Variants in WDFY2 observed in about 807,000 individuals in gnomAD.
The protein encoded by WDFY2 is WD repeat and FYVE domain-containing protein 2.
Under a neutral mutation model 56.4 loss-of-function variants are expected in WDFY2, and 36 were observed. That is an observed-to-expected ratio of 0.64 (90% CI 0.49 to 0.84). The LOEUF is 0.84. WDFY2 is among the 40% of genes least tolerant of loss of function. The probability of loss-of-function intolerance (pLI) is 0.00; values close to 1 mark genes in which losing one functional copy is unlikely to be tolerated. For missense variants in WDFY2, 444 were observed against 512.2 expected, an observed-to-expected ratio of 0.87 and a Z score of 1.29; for synonymous variants, 176 against 183.7, an observed-to-expected ratio of 0.96 and a Z score of 0.34.
chr13:51,594,479 A>C (rs1472804140), intron 1 of WDFY2, among the ~76,000 whole-genome samples: 1 of 152,158 alleles, frequency 6.6e-6, no homozygotes, highest in Non-Finnish European at 1.5e-5. Flanking sequence ...TTGTGAAACG[A>C]CTTTTATCAC....
Position 51,727,454 on chromosome 13 carries a change from A to G in WDFY2, c.486-224A>G, listed in dbSNP as rs2138654129. Among the ~76,000 whole-genome samples, 2 of 152,246 alleles carry G rather than the reference A, an allele frequency of 1.3e-5. 1 individual carries two copies. The highest frequency in any genetic ancestry group is 4.1e-4 in the South Asian group (2 of 4,824). On this transcript the variant is annotated intron_variant, in intron 5 of 11. Transcript: ENST00000298125. ...TTTTTTAAATATATAGATTTATTTT[A>G]TTAATTTAGGAGCAAGAAGTGACAT...
intron 2 of WDFY2, among the ~76,000 whole-genome samples, chr13:51,671,893 C>T (rs538016033): frequency 4.7e-5 from 7 of 148,992 alleles, no homozygotes; most frequent in East Asian, 2.0e-4. Flanking sequence ...AAGCGATTCT[C>T]GTGCCTCAGC....
chr13:51,750,841 C>T (rs778881513), intron 7 of WDFY2, among the ~76,000 whole-genome samples: 20 of 152,182 alleles, frequency 1.3e-4, no homozygotes, highest in Non-Finnish European at 2.8e-4. Context: ...TTGTGAGGTG[C>T]ACACCTCAGG....
intron 1 of WDFY2, among the ~76,000 whole-genome samples, chr13:51,635,294 G>A (rs1434212688): frequency 6.6e-6 from 1 of 152,084 alleles, no homozygotes; most frequent in Non-Finnish European, 1.5e-5. Context: ...AAATTATGAC[G>A]TGATCATCAT....
In WDFY2 at chr13:51,606,846, A is replaced by G. The variant is rs567276059; in HGVS notation, c.137+22022A>G. Among the ~76,000 whole-genome samples, 14 of 152,254 alleles carry G rather than the reference A, an allele frequency of 9.2e-5. No individual in the cohort carries two copies. In the South Asian group the frequency reaches 2.3e-3, roughly 25 times the overall value. ...CTGCCTATCTAAATAACAAAATAAT[A>G]ATTTTTCACCATGTAATTCTAGAGG... On this transcript the variant is annotated intron_variant, in intron 1 of 11. Transcript: ENST00000298125.
In WDFY2 at chr13:51,766,733, A is replaced by G. The variant is rs760070710; in HGVS notation, c.*6964A>G. 1.3e-5 allele frequency: 2 copies of G among 152,252 alleles called. No homozygotes were observed. Among genetic ancestry groups the G allele is most frequent in the Non-Finnish European group, 2.9e-5 (2 of 68,052 alleles). 9.4% of individuals were successfully genotyped at this position (152,252 alleles called of 1,614,324 possible). A position where few individuals can be genotyped will look rare whatever the true frequency, so the allele number is the denominator to read the frequency against. On this transcript the variant is annotated 3_prime_UTR_variant, in exon 12 of 12. Coordinates refer to ENST00000298125, the MANE Select transcript of WDFY2 (RefSeq NM_052950.4). ...CAAAATATACGTGTAGCCATTACCAATGTACAACTCTCAATGCGGAGTTGC... is the reference window on the plus strand; with the variant it reads ...CAAAATATACGTGTAGCCATTACCAGTGTACAACTCTCAATGCGGAGTTGC...
At chr13:51,646,734 G>C (rs1955270041) in intron 1 of WDFY2, among the ~76,000 whole-genome samples, 1 of 152,192 alleles carries the variant, frequency 6.6e-6, no homozygotes, top group Non-Finnish European at 1.5e-5. Flanking sequence ...AATCCAAGTT[G>C]TCAGAACCTG....
chr13:51,746,154 G>A (rs772989138), intron 7 of WDFY2, among the ~76,000 whole-genome samples: 43 of 151,598 alleles, frequency 2.8e-4, no homozygotes, highest in Admixed American at 6.6e-4. Context: ...GCTAATTTTT[G>A]TATTTTTAGT....
intron 1 of WDFY2, among the ~76,000 whole-genome samples, chr13:51,615,507 C>T (rs1954594426): frequency 6.6e-6 from 1 of 152,070 alleles, no homozygotes; most frequent in Non-Finnish European, 1.5e-5. Context: ...CAGTACCTGT[C>T]GATGTGAAAT....
At chr13:51,634,189 A>T (rs1384640886) in intron 1 of WDFY2, among the ~76,000 whole-genome samples, 2 of 152,170 alleles carry the variant, frequency 1.3e-5, no homozygotes, top group Non-Finnish European at 2.9e-5. Context: ...GCTTGGCTTT[A>T]TGAGAGTTAT....
intron 5 of WDFY2, among the ~76,000 whole-genome samples, chr13:51,724,483 C>G (rs1212411465): frequency 6.6e-6 from 1 of 152,158 alleles, no homozygotes; most frequent in Non-Finnish European, 1.5e-5. Flanking sequence ...GTGATCCGAC[C>G]GCCTCGGCCT....
Position 51,584,570 on chromosome 13 carries a change from C to T in WDFY2, c.-118C>T. On this transcript the variant is annotated 5_prime_UTR_variant, in exon 1 of 12. Transcript: ENST00000298125. ...CCAGGCTATGCTCGCCGGTTTCCGGCGTTCCGCTCCGGCCAGCCAGAGTCT... is the reference window on the plus strand; with the variant it reads ...CCAGGCTATGCTCGCCGGTTTCCGGTGTTCCGCTCCGGCCAGCCAGAGTCT... 2 of 1,357,748 alleles carry T rather than the reference C, an allele frequency of 1.5e-6. No homozygotes were observed. The highest frequency in any genetic ancestry group is 1.9e-6 in the Non-Finnish European group (2 of 1,031,530). 84.1% of individuals were successfully genotyped at this position (1,357,748 alleles called of 1,614,324 possible).
chr13:51,714,655 G>C (rs559604654), intron 4 of WDFY2, among the ~76,000 whole-genome samples: 7 of 152,266 alleles, frequency 4.6e-5, no homozygotes, highest in African/African-American at 1.7e-4. Flanking sequence ...AAACAGTTTG[G>C]TAGTTCCTCA....
chr13:51,655,478 C>T (rs534377274), intron 1 of WDFY2, among the ~76,000 whole-genome samples: 6 of 151,594 alleles, frequency 4.0e-5, no homozygotes, highest in Admixed American at 3.3e-4. Context: ...TATTAATGTG[C>T]CGTATCACAT....
At chr13:51,609,337 G>A (rs145367737) in intron 1 of WDFY2, among the ~76,000 whole-genome samples, 5 of 152,252 alleles carry the variant, frequency 3.3e-5, no homozygotes, top group African/African-American at 1.2e-4. Context: ...ACTTGGTCAT[G>A]TGTCTTTTTA....
chr13:51,712,020 G>A (rs1169974254), intron 4 of WDFY2, among the ~76,000 whole-genome samples: 1 of 152,180 alleles, frequency 6.6e-6, no homozygotes. Context: ...ATTCACAATA[G>A]CAAATACCAA....
At chr13:51,724,242 T>C (rs1463400748) in intron 5 of WDFY2, among the ~76,000 whole-genome samples, 1 of 145,306 alleles carries the variant, frequency 6.9e-6, no homozygotes, top group East Asian at 2.0e-4. Flanking sequence ...TTTTTTTTTT[T>C]TTTTTTTTTT....
Position 51,584,704 on chromosome 13 carries a change from AGCCCAAGCCTC to A in WDFY2, c.18_28del (p.Gln6HisfsTer68), listed in dbSNP as rs1455343997. 1 of 1,612,722 alleles carries A rather than the reference AGCCCAAGCCTC, an allele frequency of 6.2e-7. No homozygotes were observed. The highest frequency in any genetic ancestry group is 2.2e-5 in the East Asian group (1 of 44,834). Reference sequence around the variant, plus strand: ...CCTCCTCCGATGGCGGCGGAGATCCAGCCCAAGCCTCTGACCCGCAAGCCGATCCTGCTGCA... The same window carrying A: ...CCTCCTCCGATGGCGGCGGAGATCCATGACCCGCAAGCCGATCCTGCTGCA... On this transcript the variant is annotated frameshift_variant, in exon 1 of 12. Transcript: ENST00000298125. LOFTEE classifies it high-confidence loss of function.
intron 1 of WDFY2, among the ~76,000 whole-genome samples, chr13:51,647,920 C>T (rs1364165919): frequency 3.9e-5 from 6 of 152,154 alleles, no homozygotes; most frequent in Non-Finnish European, 7.3e-5. Context: ...GATAAAACTA[C>T]TGCCAGCTTA....
Sources: gnomAD v4.1 joint callset for allele counts (sites outside exome capture counted in the v4.1 genomes callset) on GRCh38, gnomAD v4.1.1 for gene constraint, MANE v1.5 for transcripts, NCBI Gene and HGNC (gene_info 2026-07-23, HGNC 2026-07-21) for gene names.